Variants in EPHB2 observed in about 807,000 individuals in gnomAD.
EPHB2 encodes the protein ephrin type-B receptor 2.
Under a neutral mutation model 96.4 loss-of-function variants are expected in EPHB2, and 18 were observed. The ratio of observed to expected loss-of-function variants is 0.19; its 90% CI spans 0.13 to 0.28. The LOEUF (loss-of-function observed/expected upper bound fraction) is 0.28, where lower values mean the gene tolerates loss of function less well. Among genes scored for constraint, EPHB2 ranks in the 10% least tolerant of loss-of-function variants. EPHB2 has a pLI of 1.00. For missense variants in EPHB2, 989 were observed against 1,355.4 expected (o/e 0.73, Z 4.25); for synonymous variants, 506 against 534.1 (o/e 0.95, Z 0.72).
At chr1:22,747,225 G>A (rs554980589) in intron 1 of EPHB2, among the ~76,000 whole-genome samples, 24 of 152,348 alleles carry the variant, frequency 1.6e-4, no homozygotes, top group African/African-American at 5.8e-4. Context: ...TCTGTTCACT[G>A]TGGTCACAGC....
intron 1 of EPHB2, among the ~76,000 whole-genome samples, chr1:22,714,903 C>A (rs1231604962): frequency 6.6e-6 from 1 of 152,202 alleles, no homozygotes; most frequent in Non-Finnish European, 1.5e-5. Context: ...AGACCCAGTT[C>A]TGCTTCTTTC....
intron 1 of EPHB2, among the ~76,000 whole-genome samples, chr1:22,720,565 G>GT (rs1643429333): frequency 6.7e-6 from 1 of 150,348 alleles, no homozygotes; most frequent in East Asian, 2.0e-4. Context: ...GGGAGGAATT[G>GT]TTGGCAGCCA....
chr1:22,908,578 G>GA (rs1197419812), intron 12 of EPHB2, among the ~76,000 whole-genome samples: 2 of 152,248 alleles, frequency 1.3e-5, no homozygotes, highest in African/African-American at 2.4e-5. Flanking sequence ...CTGGACCTTG[G>GA]AGCTCCTGGA....
intron 3 of EPHB2, among the ~76,000 whole-genome samples, chr1:22,827,778 C>G (rs1314752524): frequency 6.6e-6 from 1 of 152,190 alleles, no homozygotes; most frequent in Non-Finnish European, 1.5e-5. Context: ...ACCTGCTAAC[C>G]CTCCTGTTCC....
At position 22,784,680 on chromosome 1, in the gene EPHB2, G is replaced by A; in HGVS notation, c.415G>A (p.Asp139Asn). The change falls in exon 3 of 16, where the codon GAT becomes AAT. Residue 139 changes from aspartate to asparagine, a missense_variant. Asp to Asn is a conservative substitution (Grantham distance 23). Coordinates refer to ENST00000374630, the MANE Select transcript of EPHB2 (RefSeq NM_017449.5). This position sits in a 1 kb window ranked among gnomAD's most constrained non-coding sequence, Gnocchi z 5.1. ...NWMENPWVKV[D>N]TIAADESFSQ... ...GATGGAGAATCCATGGGTGAAGGTG[G>A]ATACCATTGCAGCCGACGAGAGCTT... is the stretch of plus-strand genomic sequence containing the variant. 5 of 1,614,058 alleles carry A rather than the reference G, an allele frequency of 3.1e-6. No individual in the cohort carries two copies. Among genetic ancestry groups the A allele is most frequent in the Non-Finnish European group, 4.2e-6 (5 of 1,180,042 alleles).
rs565355007 is a variant in EPHB2, at chr1:22,752,859, C to T, written c.62-28562C>T. Among the ~76,000 whole-genome samples, 21 of 152,264 alleles carry T rather than the reference C, an allele frequency of 1.4e-4. No individual in the cohort carries two copies. In the South Asian group the frequency reaches 4.4e-3, roughly 32 times the overall value. ...AGTGCAGTGGTATAGTCATGACTTG[C>T]TGCAGCGTCAGATTACTGGGCTCAA... On this transcript the variant is annotated intron_variant, in intron 1 of 15. Coordinates refer to ENST00000374630, the MANE Select transcript of EPHB2 (RefSeq NM_017449.5).
At chr1:22,905,558 G>C (rs1236160517) in intron 9 of EPHB2, among the ~76,000 whole-genome samples, 2 of 152,158 alleles carry the variant, frequency 1.3e-5, no homozygotes, top group African/African-American at 4.8e-5. Flanking sequence ...ATTGCCTGCT[G>C]TTTCTGTATT....
chr1:22,894,576 AC>A (rs1308155929), intron 7 of EPHB2, among the ~76,000 whole-genome samples: 4 of 151,722 alleles, frequency 2.6e-5, no homozygotes, highest in African/African-American at 9.7e-5. Context: ...CAGCCTAGTG[AC>A]AAGAGTGAAA....
intron 5 of EPHB2, among the ~76,000 whole-genome samples, chr1:22,881,683 C>T (rs1329961250): frequency 1.3e-5 from 2 of 152,220 alleles, no homozygotes; most frequent in Non-Finnish European, 2.9e-5. Flanking sequence ...AAACTTCTGC[C>T]TCCCGCACTG....
chr1:22,718,379 C>CT (rs5773014), intron 1 of EPHB2, among the ~76,000 whole-genome samples: 5,727 of 81,292 alleles, frequency 0.07, 611 homozygotes, highest in African/African-American at 0.19. Context: ...GCTGTCAATT[C>CT]TTTTTTTTTT....
At chr1:22,868,346 T>TTTGC (rs1400199294) in intron 5 of EPHB2, among the ~76,000 whole-genome samples, 2 of 152,144 alleles carry the variant, frequency 1.3e-5, no homozygotes, top group Admixed American at 6.5e-5. Context: ...TTGCCGTTCA[T>TTTGC]TTGCTGCATG....
chr1:22,910,875 C>T (rs1471598168), intron 14 of EPHB2, among the ~76,000 whole-genome samples: 3 of 152,174 alleles, frequency 2.0e-5, no homozygotes, highest in Admixed American at 6.5e-5. Context: ...AGATGGCTCA[C>T]GCCTGTAATC....
rs7530437 is a variant in EPHB2 at position 22,860,117 on chromosome 1, A to C, written c.812-2920A>C. On this transcript the variant is annotated intron_variant, in intron 3 of 15. Coordinates refer to ENST00000374630, the MANE Select transcript of EPHB2 (RefSeq NM_017449.5). This position sits in a 1 kb window ranked among gnomAD's most constrained non-coding sequence, Gnocchi z 4.6. ...AATGCTTCGTTCCTTTTTATGGCCG[A>C]ATAGTATTCCAACGTATGTGCCATT... Among the ~76,000 whole-genome samples, 881 of 152,126 alleles carry C rather than the reference A, an allele frequency of 5.8e-3. 13 individuals carry two copies. Among genetic ancestry groups the C allele is most frequent in the African/African-American group, 0.021 (851 of 41,478 alleles).
intron 3 of EPHB2, among the ~76,000 whole-genome samples, chr1:22,806,105 C>T (rs1644921310): frequency 6.6e-6 from 1 of 152,214 alleles, no homozygotes; most frequent in African/African-American, 2.4e-5. Context: ...CACGGTTCTT[C>T]CCATCAATGG....
At chr1:22,794,839 A>G (rs150410319) in intron 3 of EPHB2, among the ~76,000 whole-genome samples, 3 of 152,332 alleles carry the variant, frequency 2.0e-5, no homozygotes, top group African/African-American at 7.2e-5. Context: ...CAGCAGGACC[A>G]TAAACAGCTG....
In EPHB2 at chr1:22,913,167, T is replaced by C; in HGVS notation, c.2853-295T>C. The C allele has an allele frequency of 2.2e-6, 1 of 464,042 alleles. No homozygotes were observed. The highest frequency in any genetic ancestry group is 4.0e-6 in the Non-Finnish European group (1 of 250,420). 28.7% of individuals were successfully genotyped at this position (464,042 alleles called of 1,614,324 possible). On this transcript the variant is annotated intron_variant, in intron 15 of 15. Transcript: ENST00000374630. The surrounding 1 kb of genome is among the most constrained non-coding windows in gnomAD (Gnocchi z 4.1). ...GAGATCACGCCACTGCACACCAGCCTGGGTGACAGAGCGAGACTCTGTCTC... is the reference window on the plus strand; with the variant it reads ...GAGATCACGCCACTGCACACCAGCCCGGGTGACAGAGCGAGACTCTGTCTC...
At chr1:22,881,267 G>GCACA (rs1041130462) in intron 5 of EPHB2, among the ~76,000 whole-genome samples, 2 of 152,120 alleles carry the variant, frequency 1.3e-5, no homozygotes, top group Non-Finnish European at 2.9e-5. Flanking sequence ...GTGTGGTGGT[G>GCACA]CACACCTGTA....
intron 1 of EPHB2, among the ~76,000 whole-genome samples, chr1:22,763,725 C>T (rs948401235): frequency 6.6e-6 from 1 of 152,136 alleles, no homozygotes; most frequent in South Asian, 2.1e-4. Context: ...TAAAACAAGA[C>T]GCATTTATTG....
intron 8 of EPHB2, 92 bp from the exon 9 acceptor site, chr1:22,896,322 G>T: frequency 6.4e-7 from 1 of 1,555,158 alleles, no homozygotes. Context: ...GTGGCTTCTA[G>T]GGCCTGCCCA....
Sources: allele counts gnomAD v4.1 joint callset (sites outside exome capture counted in the v4.1 genomes callset), GRCh38; gene constraint gnomAD v4.1.1; non-coding constraint Gnocchi (gnomAD v3.1); transcripts MANE v1.5; gene names NCBI Gene and HGNC (gene_info 2026-07-23, HGNC 2026-07-21).